Variants in ZMYND8 observed in about 807,000 individuals in gnomAD.
ZMYND8 encodes MYND-type zinc finger-containing chromatin reader ZMYND8.
ZMYND8 carries 37 observed loss-of-function variants against 140.8 expected under a neutral mutation model. The observed-to-expected ratio is 0.26, with a 90% CI of 0.20 to 0.35. ZMYND8 has a LOEUF of 0.35. Among genes scored for constraint, ZMYND8 ranks in the 10% least tolerant of loss-of-function variants. The pLI is 1.00. For missense variants in ZMYND8, 1,068 were observed against 1,570.0 expected, an observed-to-expected ratio of 0.68 and a Z score of 5.40; for synonymous variants, 592 against 597.1, an observed-to-expected ratio of 0.99 and a Z score of 0.12.
chr20:47,312,240 C>T (rs535477047), intron 2 of ZMYND8, among the ~76,000 whole-genome samples: 10 of 152,212 alleles, frequency 6.6e-5, no homozygotes, highest in African/African-American at 2.4e-4. Flanking sequence ...ACGTGGTCCA[C>T]GCAAGGCCTC....
intron 12 of ZMYND8, among the ~76,000 whole-genome samples, chr20:47,251,544 G>A (rs928354982): frequency 1.2e-4 from 18 of 151,204 alleles, no homozygotes; most frequent in African/African-American, 3.2e-4. Context: ...CCATGATTGC[G>A]TCACTGCACT....
At chr20:47,239,197 A>C in intron 14 of ZMYND8, 59 bp from the exon 15 acceptor site, 1 of 1,463,326 alleles carries the variant, frequency 6.8e-7, no homozygotes, top group Non-Finnish European at 9.0e-7. Context: ...GTTCACCTGC[A>C]CGGTCTTGAC....
chr20:47,302,426 C>T (rs988351409), intron 3 of ZMYND8, among the ~76,000 whole-genome samples: 3 of 152,114 alleles, frequency 2.0e-5, no homozygotes, highest in African/African-American at 4.8e-5. Flanking sequence ...CACTGCACTC[C>T]AGCCTGAGCG....
intron 7 of ZMYND8, 146 bp from the exon 8 acceptor site, chr20:47,287,430 A>G: frequency 1.5e-6 from 1 of 680,880 alleles, no homozygotes; most frequent in East Asian, 2.8e-5. Context: ...CCTGGCTTCT[A>G]ATAGTAATTC....
chr20:47,223,313 C>T (rs916667310), intron 19 of ZMYND8, among the ~76,000 whole-genome samples: 1 of 152,020 alleles, frequency 6.6e-6, no homozygotes, highest in South Asian at 2.1e-4. Context: ...CAAGACCAGC[C>T]TGGCCAACAT....
chr20:47,307,658 T>C (rs550098158), intron 3 of ZMYND8, among the ~76,000 whole-genome samples: 53 of 151,920 alleles, frequency 3.5e-4, no homozygotes, highest in Non-Finnish European at 5.9e-4. Flanking sequence ...TGAAACCCCA[T>C]CTGTACTAAA....
chr20:47,270,017 G>C (rs535581449), intron 11 of ZMYND8, among the ~76,000 whole-genome samples: 1 of 152,198 alleles, frequency 6.6e-6, no homozygotes, highest in African/African-American at 2.4e-5. Flanking sequence ...GCTGAGGCAG[G>C]CAGATCGTTT....
In ZMYND8 at chr20:47,246,450, C is replaced by T. The variant is rs1016495871; in HGVS notation, c.1842G>A (p.Lys614=). ...VEHSDSEDSE[K]SDSSDSEYIS... ...TATACTCACTATCGCTACTATCTGA[C>T]TTCTCAGAATCCTCCGAATCGCTGT... is the stretch of plus-strand genomic sequence containing the variant. The change falls in exon 14 of 23, where the codon AAG becomes AAA. Residue 614 remains lysine (K), a synonymous_variant. Transcript: ENST00000471951. 2 of 1,613,986 alleles carry T rather than the reference C, an allele frequency of 1.2e-6. No individual in the cohort carries two copies. The highest frequency in any genetic ancestry group is 2.2e-5 in the East Asian group (1 of 44,884).
At chr20:47,278,701 C>T (rs1180939580) in intron 10 of ZMYND8, among the ~76,000 whole-genome samples, 8 of 152,160 alleles carry the variant, frequency 5.3e-5, no homozygotes, top group Admixed American at 6.5e-5. Context: ...AAATCACCAG[C>T]TTCTCATCCA....
intron 18 of ZMYND8, 117 bp downstream of exon 18, chr20:47,227,086 G>T: frequency 9.2e-7 from 1 of 1,084,404 alleles, no homozygotes. Context: ...GTCTCCCTAC[G>T]AGTCATACAA....
chr20:47,224,625 C>A lies in ZMYND8; in HGVS notation c.3017-69G>T, dbSNP rs1411299033. 2 of 1,592,470 alleles carry A rather than the reference C, an allele frequency of 1.3e-6. 1 individual carries two copies. Among genetic ancestry groups the A allele is most frequent in the Non-Finnish European group, 1.7e-6 (2 of 1,172,818 alleles). ...CCTGGGGTGTGGGGTTATTCCTGCC[C>A]CCAGATTCAGGCAGACGTGGATGCA... On this transcript the variant is annotated intron_variant, in intron 18 of 22. Transcript: ENST00000471951.
rs761689334 is a variant in ZMYND8, at chr20:47,224,490, T to C, written c.3083A>G (p.Lys1028Arg). ...QERDRLIAEV[K>R]KQLELEKQQA... ...CTGCTTCTCCAACTCCAGCTGCTTC[T>C]TCACCTCGGCGATGAGCCGGTCCCG... The change falls in exon 19 of 23, where the codon AAG becomes AGG. Residue 1028 changes from lysine to arginine, a missense_variant. Transcript: ENST00000471951. 17 of 1,614,110 alleles carry C rather than the reference T, an allele frequency of 1.1e-5. No homozygotes were observed. The highest frequency in any genetic ancestry group is 1.4e-5 in the Non-Finnish European group (17 of 1,180,044).
Position 47,213,395 on chromosome 20 carries a change from G to A in ZMYND8, c.3485-670C>T, listed in dbSNP as rs551768012. On this transcript the variant is annotated intron_variant, in intron 21 of 22. Transcript: ENST00000471951. ...ATCAAGAGAAAAAATAGAAACTCCA[G>A]GAAAAAGGCTATAAAAGAATGGAAT... 1.4e-4 allele frequency among the ~76,000 whole-genome samples: 22 copies of A among 152,258 alleles called. No homozygotes were observed. The South Asian group carries it at 4.6e-3, about 32-fold the overall frequency.
intron 4 of ZMYND8, among the ~76,000 whole-genome samples, chr20:47,296,514 G>A (rs527608329): frequency 4.6e-5 from 7 of 152,080 alleles, no homozygotes; most frequent in Non-Finnish European, 8.8e-5. Context: ...TCAACTTATG[G>A]CCATGGAGAA....
chr20:47,229,515 T>C (rs780516901), intron 17 of ZMYND8, among the ~76,000 whole-genome samples: 2 of 152,158 alleles, frequency 1.3e-5, no homozygotes, highest in Non-Finnish European at 2.9e-5. Context: ...TAGAAATGAA[T>C]TGATCACACA....
Position 47,319,101 on chromosome 20 carries a change from G to A in ZMYND8, c.86-8897C>T, listed in dbSNP as rs6090662. 2.5e-3 allele frequency: 3,093 copies of A among 1,255,892 alleles called. 63 individuals carry two copies. The African/African-American group carries it at 0.042, about 17-fold the overall frequency. 77.8% of individuals were successfully genotyped at this position (1,255,892 alleles called of 1,614,324 possible). ...AAGAAGCAAAGAGAACAGGCTAAGAGTCACCACTTACCAGGCCAGCCCCGG... is the reference window on the plus strand; with the variant it reads ...AAGAAGCAAAGAGAACAGGCTAAGAATCACCACTTACCAGGCCAGCCCCGG... On this transcript the variant is annotated intron_variant, in intron 2 of 22. Coordinates refer to ENST00000471951, the MANE Select transcript of ZMYND8 (RefSeq NM_001281775.3).
At chr20:47,292,564 A>G (rs2077333910) in intron 5 of ZMYND8, among the ~76,000 whole-genome samples, 1 of 152,154 alleles carries the variant, frequency 6.6e-6, no homozygotes, top group Non-Finnish European at 1.5e-5. Flanking sequence ...TTTTTTTATC[A>G]TCTCTTCAAA....
chr20:47,277,667 A>ATTTC lies in ZMYND8; in HGVS notation c.999-873_999-872insGAAA, dbSNP rs1467416046. Among the ~76,000 whole-genome samples, 3 of 150,698 alleles carry ATTTC rather than the reference A, an allele frequency of 2.0e-5. No homozygotes were observed. The East Asian group carries it at 5.8e-4, about 29-fold the overall frequency. ...ATTAATTCATTTTATTTATTTATTT[A>ATTTC]TTTATTTATTTATTTATTTATTTGA... On this transcript the variant is annotated intron_variant, in intron 10 of 22. Coordinates refer to ENST00000471951, the MANE Select transcript of ZMYND8 (RefSeq NM_001281775.3).
rs910911968 is a variant in ZMYND8 at position 47,298,225 on chromosome 20, A to G, written c.453+504T>C. 1 of 975,864 alleles carries G rather than the reference A, an allele frequency of 1.0e-6. No homozygotes were observed. Among genetic ancestry groups the G allele is most frequent in the African/African-American group, 1.8e-5 (1 of 56,958 alleles). The allele number at this position is 975,864 out of a possible 1,614,324, so 60.5% of individuals were successfully genotyped here. ...CATGCCTGTTTTTGTGCACTGTCGA[A>G]TTCCCAGCACCTAATAGGCACTCAA... On this transcript the variant is annotated intron_variant, in intron 4 of 22. Coordinates refer to ENST00000471951, the MANE Select transcript of ZMYND8 (RefSeq NM_001281775.3). This position sits in a 1 kb window ranked among gnomAD's most constrained non-coding sequence, Gnocchi z 5.0.
Sources: gnomAD v4.1 joint callset for allele counts (sites outside exome capture counted in the v4.1 genomes callset) on GRCh38, gnomAD v4.1.1 for gene constraint, Gnocchi (gnomAD v3.1) non-coding constraint, MANE v1.5 for transcripts, NCBI Gene and HGNC (gene_info 2026-07-23, HGNC 2026-07-21) for gene names.